Variants in PAM observed in about 807,000 individuals in gnomAD.
PAM encodes peptidylglycine alpha-amidating monooxygenase.
Under a neutral mutation model 122.1 loss-of-function variants are expected in PAM, and 72 were observed. The ratio of observed to expected loss-of-function variants is 0.59; its 90% confidence interval spans 0.49 to 0.72. The LOEUF is 0.72. Among genes scored for constraint, PAM ranks in the 30% least tolerant of loss-of-function variants. The probability of loss-of-function intolerance (pLI) is 0.00; values close to 1 mark genes in which losing one functional copy is unlikely to be tolerated. For missense variants in PAM, 1,106 were observed against 1,183.7 expected (o/e 0.93, Z 0.96); for synonymous variants, 389 against 404.4 (o/e 0.96, Z 0.46).
chr5:102,762,526 T>A (rs2149682832), intron 1 of PAM, among the ~76,000 whole-genome samples: 1 of 152,306 alleles, frequency 6.6e-6, no homozygotes, highest in Admixed American at 6.5e-5. Context: ...ATATTAGATT[T>A]TTTTTTTCAT....
chr5:102,926,671 A>G lies in PAM; in HGVS notation c.526+3A>G. The G allele has an allele frequency of 1.3e-6, 2 of 1,505,710 alleles. No homozygotes were observed. The highest frequency in any genetic ancestry group is 1.8e-6 in the Non-Finnish European group (2 of 1,081,962). The allele number at this position is 1,505,710 out of a possible 1,614,324, so 93.3% of individuals were successfully genotyped here. On this transcript the variant is annotated splice_donor_region_variant and intron_variant, in intron 7 of 25. Transcript: ENST00000438793. ...TGGGGATATTAGTGCTTTTAGAGGT[A>G]AGTTTTGAAGTGTTGGAACTAAGCA...
chr5:102,785,677 T>A (rs1425121262), intron 1 of PAM, among the ~76,000 whole-genome samples: 6 of 152,128 alleles, frequency 3.9e-5, no homozygotes. Flanking sequence ...AGTGACATCA[T>A]GAAACAAGGC....
intron 3 of PAM, among the ~76,000 whole-genome samples, chr5:102,879,662 T>A (rs781361892): frequency 3.3e-5 from 5 of 152,216 alleles, no homozygotes; most frequent in Non-Finnish European, 5.9e-5. Flanking sequence ...TCCCCAGCCA[T>A]GCTTCCTGTG....
At chr5:102,988,697 A>G (rs1462872904) in intron 15 of PAM, among the ~76,000 whole-genome samples, 10 of 104,816 alleles carry the variant, frequency 9.5e-5, no homozygotes, top group Non-Finnish European at 1.6e-4. Flanking sequence ...GAAGGAAAGA[A>G]AGAGAAAGAG....
intron 1 of PAM, among the ~76,000 whole-genome samples, chr5:102,806,581 A>G (rs1442801893): frequency 6.6e-6 from 1 of 152,172 alleles, no homozygotes; most frequent in African/African-American, 2.4e-5. Context: ...TGATATATAC[A>G]TATATATACA....
chr5:102,882,774 T>G (rs1428467524), intron 3 of PAM, among the ~76,000 whole-genome samples: 1 of 152,128 alleles, frequency 6.6e-6, no homozygotes, highest in Non-Finnish European at 1.5e-5. Flanking sequence ...TTTTGGGTTC[T>G]TAGTCATAAA....
chr5:102,756,442 T>A (rs552314793), intron 1 of PAM, among the ~76,000 whole-genome samples: 4 of 152,326 alleles, frequency 2.6e-5, no homozygotes, highest in African/African-American at 9.6e-5. Flanking sequence ...TTGGACTTTG[T>A]TTGCTTCAGA....
At chr5:102,805,489 T>C (rs757685025) in intron 1 of PAM, among the ~76,000 whole-genome samples, 19 of 152,124 alleles carry the variant, frequency 1.2e-4, no homozygotes, top group Non-Finnish European at 2.8e-4. Flanking sequence ...TAAAAGAAGG[T>C]GTACTGTTAT....
At chr5:102,934,415 C>T (rs1172993115) in intron 7 of PAM, among the ~76,000 whole-genome samples, 1 of 152,202 alleles carries the variant, frequency 6.6e-6, no homozygotes, top group African/African-American at 2.4e-5. Flanking sequence ...GAGACAGCAG[C>T]CCTGCTGAAA....
At chr5:102,884,516 T>C (rs908672873) in intron 3 of PAM, among the ~76,000 whole-genome samples, 7 of 151,982 alleles carry the variant, frequency 4.6e-5, no homozygotes, top group African/African-American at 1.7e-4. Context: ...CGTCTGAAGA[T>C]ATTTGTGGAA....
At chr5:102,796,636 A>G (rs1763448878) in intron 1 of PAM, among the ~76,000 whole-genome samples, 3 of 151,900 alleles carry the variant, frequency 2.0e-5, no homozygotes, top group Admixed American at 1.3e-4. Context: ...CTTTCATTCA[A>G]CTCTCTTTGT....
chr5:102,782,015 T>G (rs1344736594), intron 1 of PAM, among the ~76,000 whole-genome samples: 3 of 152,228 alleles, frequency 2.0e-5, no homozygotes, highest in Non-Finnish European at 4.4e-5. Context: ...TCCACATCCG[T>G]GTTCTTGTCC....
intron 12 of PAM, among the ~76,000 whole-genome samples, chr5:102,952,704 A>C (rs539922517): frequency 2.3e-4 from 35 of 152,296 alleles, no homozygotes; most frequent in African/African-American, 8.4e-4. Context: ...TAACAACAGC[A>C]ATGTGTCTCT....
chr5:102,833,744 G>A (rs1379504807), intron 1 of PAM, among the ~76,000 whole-genome samples: 1 of 152,130 alleles, frequency 6.6e-6, no homozygotes, highest in Non-Finnish European at 1.5e-5. Context: ...TAGAGACTTA[G>A]TTTCTTCATG....
At chr5:102,916,266 C>G (rs1213624436) in intron 5 of PAM, among the ~76,000 whole-genome samples, 2 of 152,090 alleles carry the variant, frequency 1.3e-5, no homozygotes, top group Non-Finnish European at 2.9e-5. Flanking sequence ...AGCATTATTT[C>G]TAGGAGCTGG....
chr5:102,774,706 G>A (rs532147227), intron 1 of PAM, among the ~76,000 whole-genome samples: 2 of 151,934 alleles, frequency 1.3e-5, no homozygotes, highest in African/African-American at 4.8e-5. Flanking sequence ...TGTTCTTTAC[G>A]TATTGATACA....
At chr5:102,946,545 A>G (rs1199270220) in intron 7 of PAM, among the ~76,000 whole-genome samples, 1 of 148,144 alleles carries the variant, frequency 6.8e-6, no homozygotes, top group African/African-American at 2.5e-5. Context: ...GAGTATTAAC[A>G]ACTTTCTAGT....
chr5:103,002,558 C>G (rs76818749), intron 16 of PAM, among the ~76,000 whole-genome samples: 1 of 151,970 alleles, frequency 6.6e-6, no homozygotes, highest in East Asian at 1.9e-4. Context: ...AGTATAATAA[C>G]GAACATTTTG....
intron 16 of PAM, among the ~76,000 whole-genome samples, chr5:102,992,799 A>G (rs892019079): frequency 6.6e-6 from 1 of 152,082 alleles, no homozygotes; most frequent in Non-Finnish European, 1.5e-5. Context: ...TCCCATTCTG[A>G]TATTTCTGAG....
Sources: allele counts gnomAD v4.1 joint callset (sites outside exome capture counted in the v4.1 genomes callset), GRCh38; gene constraint gnomAD v4.1.1; transcripts MANE v1.5; gene names NCBI Gene and HGNC (gene_info 2026-07-23, HGNC 2026-07-21).